Variants in MATN2 observed in about 807,000 individuals in gnomAD.
The protein encoded by MATN2 is matrilin-2.
Under a neutral mutation model 103.2 loss-of-function variants are expected in MATN2, and 69 were observed. That is an observed-to-expected ratio of 0.67 (90% CI 0.55 to 0.82). The LOEUF (loss-of-function observed/expected upper bound fraction) is 0.82. Among genes scored for constraint, MATN2 ranks in the 40% least tolerant of loss-of-function variants. The pLI, the probability that MATN2 is intolerant of heterozygous loss-of-function variation, is 0.00. For synonymous variants in MATN2, 429 were observed against 450.2 expected, an observed-to-expected ratio of 0.95 and a Z score of 0.60; for missense variants, 1,023 against 1,211.5, an observed-to-expected ratio of 0.84 and a Z score of 2.31.
intron 7 of MATN2, 84 bp from the exon 8 acceptor site, chr8:98,003,577 G>A (rs1812856119): frequency 1.3e-6 from 2 of 1,540,786 alleles, no homozygotes; most frequent in Non-Finnish European, 1.8e-6. Flanking sequence ...CTCTCCATGG[G>A]GGCTCATGGG....
intron 1 of MATN2, among the ~76,000 whole-genome samples, chr8:97,884,749 C>T (rs924120178): frequency 7.9e-5 from 12 of 152,130 alleles, no homozygotes; most frequent in Admixed American, 5.9e-4. Flanking sequence ...CCTGCCTGGG[C>T]GACAGCGAGA....
intron 5 of MATN2, 106 bp downstream of exon 5, chr8:97,961,636 G>T: frequency 7.7e-7 from 1 of 1,294,508 alleles, no homozygotes; most frequent in Non-Finnish European, 1.0e-6. Flanking sequence ...CTCACCTTTG[G>T]GTTTCCACAA....
intron 7 of MATN2, among the ~76,000 whole-genome samples, chr8:97,996,127 G>A (rs2130360072): frequency 6.6e-6 from 1 of 152,308 alleles, no homozygotes; most frequent in African/African-American, 2.4e-5. Context: ...CAGCTCAGAT[G>A]CTCATTGCAA....
intron 1 of MATN2, among the ~76,000 whole-genome samples, chr8:97,869,527 C>T (rs972044402): frequency 6.6e-6 from 1 of 152,148 alleles, no homozygotes; most frequent in Non-Finnish European, 1.5e-5. Context: ...GCGCTCCCTG[C>T]GCAGGACAAG....
At chr8:97,974,426 TTTTTG>T (rs574949632) in intron 5 of MATN2, among the ~76,000 whole-genome samples, 3 of 146,990 alleles carry the variant, frequency 2.0e-5, no homozygotes, top group African/African-American at 7.6e-5. Flanking sequence ...GATGTGAGCC[TTTTTG>T]TTTTGTTTTG....
intron 1 of MATN2, among the ~76,000 whole-genome samples, chr8:97,870,833 C>T (rs1349189222): frequency 6.6e-6 from 1 of 152,232 alleles, no homozygotes; most frequent in Non-Finnish European, 1.5e-5. Context: ...TGGAATGTTT[C>T]CTCTCAGTCC....
intron 2 of MATN2, among the ~76,000 whole-genome samples, chr8:97,895,005 T>G (rs564637085): frequency 6.6e-6 from 1 of 152,252 alleles, no homozygotes; most frequent in Admixed American, 6.5e-5. Context: ...CCTGAGTAGC[T>G]GAGATTGCAG....
rs115543675 is a variant in MATN2, at chr8:98,015,510, C to T, written c.1574-1030C>T. Among the ~76,000 whole-genome samples, 538 of 152,300 alleles carry T rather than the reference C, an allele frequency of 3.5e-3. 7 individuals are homozygous for T. The highest frequency in any genetic ancestry group is 0.012 in the African/African-American group (508 of 41,548). The stretch of plus-strand genomic sequence containing the variant: ...TGAAACACACCAACCAAGCAGCTCC[C>T]GTTGCTGCAGTTTGCAAATGCTGTT... On this transcript the variant is annotated intron_variant, in intron 10 of 18. Transcript: ENST00000254898.
chr8:97,990,462 A>G (rs1162016505), intron 6 of MATN2, among the ~76,000 whole-genome samples: 3 of 152,170 alleles, frequency 2.0e-5, no homozygotes, highest in Non-Finnish European at 4.4e-5. Flanking sequence ...GTCCCATATG[A>G]CTCATTCATT....
chr8:97,906,745 G>T (rs965791615), intron 2 of MATN2, among the ~76,000 whole-genome samples: 1 of 152,184 alleles, frequency 6.6e-6, no homozygotes, highest in Non-Finnish European at 1.5e-5. Flanking sequence ...GGACACTTAC[G>T]GGGACATCAA....
chr8:97,994,688 G>A (rs191074721), intron 7 of MATN2, 86 bp downstream of exon 7: 2 of 1,432,116 alleles, frequency 1.4e-6, no homozygotes, highest in Non-Finnish European at 1.9e-6. Flanking sequence ...TCTTAAGCAA[G>A]ATGTGCTTGT....
Position 98,027,622 on chromosome 8 carries a change from G to T in MATN2, c.2149G>T (p.Asp717Tyr). ...TCTGAGAAACTTCAACTCAGCCAAA[G>T]ACATGAAAAAAGCCGTGGCCCACAT... The part of the protein sequence containing the change: ...FTLRNFNSAK[D>Y]MKKAVAHMKY... Residue 717 changes from aspartate to tyrosine, a missense_variant, in exon 14 of 19, where the codon GAC (aspartate) becomes TAC (tyrosine). Transcript: ENST00000254898. 6.2e-7 allele frequency: 1 copy of T among 1,613,656 alleles called. No homozygotes were observed. The highest frequency in any genetic ancestry group is 8.5e-7 in the Non-Finnish European group (1 of 1,179,740).
Position 97,958,039 on chromosome 8 carries a change from C to G in MATN2, c.836-3369C>G, listed in dbSNP as rs544976426. Among the ~76,000 whole-genome samples, 3 of 152,206 alleles carry G rather than the reference C, an allele frequency of 2.0e-5. No individual in the cohort carries two copies. The South Asian group carries it at 6.2e-4, about 32-fold the overall frequency. ...TCTCTACCTACCCTGTGCAGGGAAG[C>G]CTTTTAGAAAAAAAGATTGTTCCTT... On this transcript the variant is annotated intron_variant, in intron 4 of 18. Transcript: ENST00000254898.
At position 97,931,889 on chromosome 8, in the gene MATN2, G is replaced by A. The variant is rs1399885371; in HGVS notation, c.712+367G>A. 1.3e-5 allele frequency among the ~76,000 whole-genome samples: 2 copies of A among 152,146 alleles called. No individual in the cohort carries two copies. The highest frequency in any genetic ancestry group is 1.5e-5 in the Non-Finnish European group (1 of 68,034). On this transcript the variant is annotated intron_variant, in intron 3 of 18. Transcript: ENST00000254898. The surrounding 1 kb of genome is among the most constrained non-coding windows in gnomAD (Gnocchi z 4.1). Reference sequence around the variant, plus strand: ...GGCTTATTTTTTAACTATTTGTAGAGACAACGTTTCGCCATGTTGCCCAGG... The same window carrying A: ...GGCTTATTTTTTAACTATTTGTAGAAACAACGTTTCGCCATGTTGCCCAGG...
At chr8:97,897,249 G>A (rs1292684043) in intron 2 of MATN2, among the ~76,000 whole-genome samples, 1 of 152,250 alleles carries the variant, frequency 6.6e-6, no homozygotes, top group African/African-American at 2.4e-5. Context: ...TACAAGGTTG[G>A]GTGGGAATGG....
Position 98,007,236 on chromosome 8 carries a change from C to T in MATN2, c.1450+9C>T, listed in dbSNP as rs369744207. ...CCTCAAGACCTGCTCCCGTGAGTCC[C>T]TCCGCGCTCCTCTCATAGGGGAAGG... On this transcript the variant is annotated intron_variant, in intron 9 of 18. Transcript: ENST00000254898. This position sits in a 1 kb window ranked among gnomAD's most constrained non-coding sequence, Gnocchi z 4.2. 3.2e-5 allele frequency: 51 copies of T among 1,613,574 alleles called. No individual in the cohort carries two copies. Among genetic ancestry groups the T allele is most frequent in the Non-Finnish European group, 3.5e-5 (41 of 1,179,844 alleles).
intron 5 of MATN2, among the ~76,000 whole-genome samples, chr8:97,972,267 G>C (rs544564227): frequency 6.6e-6 from 1 of 151,554 alleles, no homozygotes; most frequent in Admixed American, 6.6e-5. Context: ...GAGTCTGGGA[G>C]GGCTGAGGTT....
chr8:97,959,508 C>T (rs965541391), intron 4 of MATN2, among the ~76,000 whole-genome samples: 2 of 152,202 alleles, frequency 1.3e-5, no homozygotes, highest in African/African-American at 4.8e-5. Context: ...TTCCTTACAT[C>T]TGAATCCACT....
At chr8:97,944,727 A>G (rs1810689567) in intron 4 of MATN2, among the ~76,000 whole-genome samples, 1 of 152,180 alleles carries the variant, frequency 6.6e-6, no homozygotes, top group Admixed American at 6.5e-5. Context: ...TGCCAAGTGA[A>G]GGCTGTGCCA....
Sources: gnomAD v4.1 joint callset for allele counts (sites outside exome capture counted in the v4.1 genomes callset) on GRCh38, gnomAD v4.1.1 for gene constraint, Gnocchi (gnomAD v3.1) non-coding constraint, MANE v1.5 for transcripts, NCBI Gene and HGNC (gene_info 2026-07-23, HGNC 2026-07-21) for gene names.